The following PRPF6 variants were observed in gnomAD, a reference collection of about 807,000 sequenced individuals.
PRPF6 encodes pre-mRNA processing factor 6.
A neutral mutation model predicts 118.3 loss-of-function variants in PRPF6; 42 were observed. That is an observed-to-expected ratio of 0.35 (90% CI 0.28 to 0.46). The LOEUF is 0.46. PRPF6 is among the 20% of genes least tolerant of loss of function. The probability of loss-of-function intolerance (pLI) is 1.00; values close to 1 mark genes in which losing one functional copy is unlikely to be tolerated. For missense variants in PRPF6, 662 were observed against 1,255.7 expected, an observed-to-expected ratio of 0.53 and a Z score of 7.15; for synonymous variants, 481 against 485.1, an observed-to-expected ratio of 0.99 and a Z score of 0.11.
rs767793133 is a variant in PRPF6 at position 64,031,986 on chromosome 20, C to T, written c.2615C>T (p.Ser872Leu). ...TTCCACCGCACTGTGAAGATTGACT[C>T]GGACCTGGGGGATGCCTGGGCCTTC... ...EWFHRTVKID[S>L]DLGDAWAFFY... The change falls in exon 20 of 21, where the codon TCG (serine) becomes TTG (leucine). Residue 872 changes from serine (S) to leucine (L), a missense_variant. Around this residue, in one of 10 missense-constraint regions of PRPF6, gnomAD observed 244 missense variants for 383.7 expected, o/e 0.64. Transcript: ENST00000266079. 51 of 1,614,062 alleles carry T rather than the reference C, an allele frequency of 3.2e-5. No homozygotes were observed. The highest frequency in any genetic ancestry group is 2.4e-4 in the East Asian group (11 of 44,898).
chr20:63,998,894 C>A (rs2059153517), intron 6 of PRPF6, 151 bp from the exon 7 acceptor site: 1 of 623,918 alleles, frequency 1.6e-6, no homozygotes, highest in Non-Finnish European at 2.9e-6. Context: ...TTGTTATTAT[C>A]ACAAGGTGTT....
In PRPF6 at chr20:64,022,842, T is replaced by G; in HGVS notation, c.1733T>G (p.Leu578Arg). The change falls in exon 13 of 21, where the codon CTG (leucine) becomes CGG (arginine). Residue 578 changes from leucine to arginine, a missense_variant. By Grantham distance (102) the Leu-to-Arg change is moderately radical. Transcript: ENST00000266079. ...TTCCCCAGCAAGAAGAGTGTGTGGC[T>G]GCGCGCCGCGTACTTCGAGAAGAAC... is the stretch of plus-strand genomic sequence containing the variant. ...QVFPSKKSVW[L>R]RAAYFEKNHG... The G allele has an allele frequency of 6.2e-7, 1 of 1,614,092 alleles. No individual in the cohort carries two copies. Among genetic ancestry groups the G allele is most frequent in the Non-Finnish European group, 8.5e-7 (1 of 1,180,006 alleles).
chr20:64,001,145 A>G lies in PRPF6; in HGVS notation c.1092A>G (p.Gln364=). ...ACACAGCCAAGGCCGTGGTAGCCCA[A>G]GCTGTCCGTCATCTCCCACAGTCTG... ...PGDTAKAVVA[Q]AVRHLPQSVR... is the part of the protein sequence containing the mutation. Residue 364 remains glutamine, a synonymous_variant, in exon 9 of 21, where the codon CAA becomes CAG. Coordinates refer to ENST00000266079, the MANE Select transcript of PRPF6 (RefSeq NM_012469.4). The G allele has an allele frequency of 1.1e-5, 18 of 1,614,204 alleles. No individual in the cohort carries two copies. Among genetic ancestry groups the G allele is most frequent in the Non-Finnish European group, 1.4e-5 (17 of 1,180,036 alleles).
At chr20:64,024,750 T>G in intron 14 of PRPF6, 57 bp downstream of exon 14, 2 of 1,586,498 alleles carry the variant, frequency 1.3e-6, no homozygotes, top group Non-Finnish European at 1.7e-6. Context: ...CTGACCTGGG[T>G]GCTGACTGGG....
At chr20:64,013,589 G>A (rs200728241) in intron 11 of PRPF6, among the ~76,000 whole-genome samples, 37 of 151,878 alleles carry the variant, frequency 2.4e-4, no homozygotes, top group African/African-American at 4.8e-4. Context: ...GACTACAGGC[G>A]TGTGCCACCA....
At chr20:64,010,066 A>G (rs2059209045) in intron 9 of PRPF6, 134 bp from the exon 10 acceptor site, 1 of 797,750 alleles carries the variant, frequency 1.3e-6, no homozygotes, top group South Asian at 1.3e-5. Flanking sequence ...GAAGCCACAT[A>G]AAGGGCAGGT....
At chr20:64,019,583 C>A (rs959226183) in intron 12 of PRPF6, among the ~76,000 whole-genome samples, 1 of 152,214 alleles carries the variant, frequency 6.6e-6, no homozygotes. Context: ...AGGCCACTCT[C>A]GGGTTGCTTG....
chr20:63,997,474 T>TG (rs2059145929), intron 6 of PRPF6, among the ~76,000 whole-genome samples: 1 of 150,158 alleles, frequency 6.7e-6, no homozygotes, highest in South Asian at 2.1e-4. Flanking sequence ...TTTTTTTTTT[T>TG]GAGACGGAGC....
intron 13 of PRPF6, among the ~76,000 whole-genome samples, chr20:64,023,985 A>G (rs1362383643): frequency 1.3e-5 from 2 of 152,130 alleles, no homozygotes; most frequent in African/African-American, 4.8e-5. Context: ...GTGTGTGGTC[A>G]CTTTGTCTTG....
At chr20:63,995,597 C>CTTT in intron 6 of PRPF6, 115 bp downstream of exon 6, 2 of 1,147,662 alleles carry the variant, frequency 1.7e-6, no homozygotes, top group Non-Finnish European at 2.5e-6. Context: ...TCTCCTCCTC[C>CTTT]TCCTTCTTCT....
chr20:64,021,798 G>A lies in PRPF6; in HGVS notation c.1648-959G>A, dbSNP rs1231157035. On this transcript the variant is annotated intron_variant, in intron 12 of 20. Transcript: ENST00000266079. ...GCCCTGTGTGTGTGCGTGTGTATGC[G>A]TGCACGTATGCATATGCCTCGGCCA... is the stretch of plus-strand genomic sequence containing the variant. 1.9e-4 allele frequency among the ~76,000 whole-genome samples: 28 copies of A among 147,588 alleles called. 1 individual carries two copies. Among genetic ancestry groups the A allele is most frequent in the Admixed American group, 1.6e-3 (24 of 14,790 alleles).
intron 7 of PRPF6, 48 bp from the exon 8 acceptor site, chr20:63,999,555 C>T (rs1317558345): frequency 8.1e-6 from 13 of 1,611,494 alleles, no homozygotes; most frequent in Non-Finnish European, 9.3e-6. Context: ...GTCTCGGGTG[C>T]ACCCCTGACA....
intron 9 of PRPF6, 94 bp downstream of exon 9, chr20:64,001,333 G>C (rs993500375): frequency 7.6e-6 from 11 of 1,451,608 alleles, no homozygotes; most frequent in Non-Finnish European, 1.1e-5. Flanking sequence ...GGTGAGAGTG[G>C]ATAAGGAACC....
intron 5 of PRPF6, 36 bp downstream of exon 5, chr20:63,995,128 A>C (rs2123006354): frequency 6.2e-7 from 1 of 1,613,450 alleles, no homozygotes; most frequent in Admixed American, 1.7e-5. Context: ...TGGCCCATTT[A>C]GTCCTGTTAG....
intron 3 of PRPF6, among the ~76,000 whole-genome samples, chr20:63,987,106 G>T (rs1259769848): frequency 7.4e-5 from 10 of 135,612 alleles, no homozygotes; most frequent in African/African-American, 2.7e-4. Context: ...GGAGGCAGAG[G>T]TTGCAGTGAG....
chr20:63,982,870 T>G (rs1028436753), intron 1 of PRPF6, among the ~76,000 whole-genome samples, 177 bp from the exon 2 acceptor site: 1 of 152,154 alleles, frequency 6.6e-6, no homozygotes, highest in Non-Finnish European at 1.5e-5. Context: ...AGGCTGAAAC[T>G]TTCAGGTAAG....
Position 63,990,199 on chromosome 20 carries a change from C to T in PRPF6, c.360-3208C>T, listed in dbSNP as rs981196009. Among the ~76,000 whole-genome samples, 36 of 152,168 alleles carry T rather than the reference C, an allele frequency of 2.4e-4. 1 individual carries two copies. Among genetic ancestry groups the T allele is most frequent in the Admixed American group, 1.8e-3 (28 of 15,274 alleles). ...CCAGATCTTACGTGATGTAAACTTGCTGCCTCGAGGACAGCACCAGGCCAT... is the reference window on the plus strand; with the variant it reads ...CCAGATCTTACGTGATGTAAACTTGTTGCCTCGAGGACAGCACCAGGCCAT... On this transcript the variant is annotated intron_variant, in intron 3 of 20. Coordinates refer to ENST00000266079, the MANE Select transcript of PRPF6 (RefSeq NM_012469.4).
chr20:63,983,189 G>A lies in PRPF6; in HGVS notation c.214G>A (p.Asp72Asn). The A allele has an allele frequency of 6.2e-7, 1 of 1,614,196 alleles. No individual in the cohort carries two copies. The highest frequency in any genetic ancestry group is 1.1e-5 in the South Asian group (1 of 91,080). ...TCAGGCTGCTGACGATGACGACGAG[G>A]ATCTAAATGACACCAATTACGATGA... Reference protein sequence around the residue: ...KNQAADDDDEDLNDTNYDEFN... With the variant: ...KNQAADDDDENLNDTNYDEFN... The change falls in exon 2 of 21, where the codon GAT becomes AAT. Residue 72 changes from aspartate (D) to asparagine (N), a missense_variant. Coordinates refer to ENST00000266079, the MANE Select transcript of PRPF6 (RefSeq NM_012469.4).
At chr20:63,981,434 G>C (rs1601504385) in intron 1 of PRPF6, 118 bp downstream of exon 1, 1 of 1,010,646 alleles carries the variant, frequency 9.9e-7, no homozygotes, top group South Asian at 1.5e-5. Context: ...TTGGTGGATC[G>C]GCTTAATCCC....
Sources: allele counts gnomAD v4.1 joint callset (sites outside exome capture counted in the v4.1 genomes callset), GRCh38; gene constraint gnomAD v4.1.1; regional missense constraint gnomAD v4.1.1; transcripts MANE v1.5; gene names NCBI Gene and HGNC (gene_info 2026-07-23, HGNC 2026-07-21).